Variants in GALNT13 observed in about 807,000 individuals in gnomAD.
GALNT13 encodes UDP-GalNAc:polypeptide N-acetylgalactosaminyltransferase 13.
GALNT13 carries 28 observed loss-of-function variants against 64.2 expected under a neutral mutation model. The ratio of observed to expected loss-of-function variants is 0.44; its 90% CI spans 0.32 to 0.60. The LOEUF is 0.60. Among genes scored for constraint, GALNT13 ranks in the 20% least tolerant of loss-of-function variants. The pLI is 0.05. For synonymous variants in GALNT13, 214 were observed against 224.6 expected (o/e 0.95, Z 0.42); for missense variants, 577 against 669.8 (o/e 0.86, Z 1.53).
chr2:153,620,019 T>C, the GALNT13 span, among the ~76,000 whole-genome samples: 1 of 152,130 alleles, frequency 6.6e-6, no homozygotes, highest in African/African-American at 2.4e-5. Flanking sequence ...TCTATTATTA[T>C]CCCTTAGAAT....
the GALNT13 span, among the ~76,000 whole-genome samples, chr2:153,436,071 A>G: frequency 6.6e-6 from 1 of 152,214 alleles, no homozygotes; most frequent in Non-Finnish European, 1.5e-5. Context: ...CCTTTTCTGC[A>G]TCTATTGAGA....
the GALNT13 span, among the ~76,000 whole-genome samples, chr2:153,341,234 T>C: frequency 6.6e-6 from 1 of 152,194 alleles, no homozygotes; most frequent in Admixed American, 6.5e-5. Flanking sequence ...TTATATAATA[T>C]TTGCTAGGAG....
intron 2 of GALNT13, among the ~76,000 whole-genome samples, chr2:153,918,403 G>A (rs993011740): frequency 2.0e-4 from 30 of 152,024 alleles, no homozygotes; most frequent in African/African-American, 7.2e-4. Flanking sequence ...TCTTAATGTG[G>A]TTTTCTAGAG....
intron 11 of GALNT13, among the ~76,000 whole-genome samples, chr2:154,430,475 T>G (rs1700662042): frequency 6.6e-6 from 1 of 152,204 alleles, no homozygotes; most frequent in Non-Finnish European, 1.5e-5. Flanking sequence ...AAGCTAAAAC[T>G]TTAATGAATG....
intron 3 of GALNT13, among the ~76,000 whole-genome samples, chr2:154,016,861 AT>A (rs762652547): frequency 6.6e-6 from 1 of 152,230 alleles, no homozygotes. Context: ...GTAAATGATC[AT>A]TGTTGAAAAG....
the GALNT13 span, chr2:153,187,625 T>C: frequency 5.2e-4 from 79 of 152,210 alleles, no homozygotes; most frequent in Non-Finnish European, 2.2e-4. Flanking sequence ...TATAATCTTG[T>C]TGATGTCTCC....
chr2:154,067,071 A>G (rs1700507023), intron 3 of GALNT13, among the ~76,000 whole-genome samples: 1 of 152,034 alleles, frequency 6.6e-6, no homozygotes, highest in Non-Finnish European at 1.5e-5. Flanking sequence ...ATAAGTGTCA[A>G]GTTGTCATCA....
the GALNT13 span, among the ~76,000 whole-genome samples, chr2:153,577,234 T>C: frequency 5.9e-5 from 9 of 152,300 alleles, no homozygotes; most frequent in East Asian, 1.9e-4. Flanking sequence ...CTTATTGATA[T>C]ATAAACTTTT....
intron 5 of GALNT13, 71 bp from the exon 6 acceptor site, chr2:154,242,627 T>G: frequency 1.1e-6 from 1 of 942,012 alleles, no homozygotes; most frequent in Non-Finnish European, 1.6e-6. Flanking sequence ...AATTTCCATC[T>G]TGGTAGTATC....
At chr2:153,625,580 T>C in the GALNT13 span, among the ~76,000 whole-genome samples, 2 of 152,276 alleles carry the variant, frequency 1.3e-5, no homozygotes, top group South Asian at 4.1e-4. Flanking sequence ...AGTGATATTT[T>C]ACGGAGTCCC....
the GALNT13 span, among the ~76,000 whole-genome samples, chr2:153,091,540 C>T: frequency 1.3e-5 from 2 of 152,278 alleles, no homozygotes; most frequent in East Asian, 3.9e-4. Flanking sequence ...TTAAATTTTC[C>T]TGGTACATTC....
At chr2:153,671,009 TGAAAA>T in the GALNT13 span, among the ~76,000 whole-genome samples, 1 of 151,524 alleles carries the variant, frequency 6.6e-6, no homozygotes, top group Non-Finnish European at 1.5e-5. Flanking sequence ...GAGAAAAAAG[TGAAAA>T]GAAATGAACA....
chr2:154,032,994 A>T (rs1231763284), intron 3 of GALNT13, among the ~76,000 whole-genome samples: 2 of 151,244 alleles, frequency 1.3e-5, no homozygotes, highest in African/African-American at 4.9e-5. Context: ...GTATGTAAAT[A>T]GATATTGGGT....
At chr2:153,103,700 C>G in the GALNT13 span, among the ~76,000 whole-genome samples, 1 of 152,170 alleles carries the variant, frequency 6.6e-6, no homozygotes, top group Non-Finnish European at 1.5e-5. Context: ...GTTTGCTTTT[C>G]TATACATTGT....
At chr2:153,735,254 G>A in the GALNT13 span, among the ~76,000 whole-genome samples, 4 of 151,634 alleles carry the variant, frequency 2.6e-5, no homozygotes, top group East Asian at 7.7e-4. Context: ...TTGTCTCTAG[G>A]GCTTACTATT....
At chr2:154,364,826 A>G (rs1011467890) in intron 9 of GALNT13, among the ~76,000 whole-genome samples, 2 of 152,150 alleles carry the variant, frequency 1.3e-5, no homozygotes, top group Non-Finnish European at 2.9e-5. Flanking sequence ...TCCTGCCACC[A>G]TACCTGGCTA....
chr2:153,722,115 C>T, the GALNT13 span, among the ~76,000 whole-genome samples: 9 of 147,744 alleles, frequency 6.1e-5, no homozygotes, highest in Admixed American at 2.7e-4. Context: ...ATCTCTCAGA[C>T]CACAGTGCAA....
the GALNT13 span, among the ~76,000 whole-genome samples, chr2:153,265,285 A>G: frequency 1.3e-5 from 2 of 152,104 alleles, no homozygotes; most frequent in Non-Finnish European, 1.5e-5. Flanking sequence ...ACAGCCTTTC[A>G]TGTTTATTTA....
chr2:153,731,272 T>C, the GALNT13 span, among the ~76,000 whole-genome samples: 120 of 152,020 alleles, frequency 7.9e-4, 1 homozygote, highest in African/African-American at 2.7e-3. Flanking sequence ...ATACTACATG[T>C]TCTCATGTAT....
Sources: gnomAD v4.1 joint callset for allele counts (sites outside exome capture counted in the v4.1 genomes callset) on GRCh38, gnomAD v4.1.1 for gene constraint, MANE v1.5 for transcripts, NCBI Gene and HGNC (gene_info 2026-07-23, HGNC 2026-07-21) for gene names.